Variants in GLDC observed in about 807,000 individuals in gnomAD.
The protein encoded by GLDC is glycine decarboxylase.
A neutral mutation model predicts 121.3 loss-of-function variants in GLDC; 104 were observed. That is an observed-to-expected ratio of 0.86 (90% confidence interval 0.73 to 1.01). The LOEUF is 1.01. GLDC is among the 50% of genes least tolerant of loss of function. The probability of loss-of-function intolerance (pLI) is 0.00; values close to 1 mark genes in which losing one functional copy is unlikely to be tolerated. For synonymous variants in GLDC, 546 were observed against 480.6 expected, an observed-to-expected ratio of 1.14 and a Z score of -1.78; for missense variants, 1,429 against 1,306.6, an observed-to-expected ratio of 1.09 and a Z score of -1.44.
rs912371579 is a variant in GLDC, at chr9:6,532,808, G to A, written c.*209C>T. 14 of 571,302 alleles carry A rather than the reference G, an allele frequency of 2.5e-5. No homozygotes were observed. Among genetic ancestry groups the A allele is most frequent in the Non-Finnish European group, 4.1e-5 (13 of 317,728 alleles). The allele number at this position is 571,302 out of a possible 1,614,324, so 35.4% of individuals were successfully genotyped here. On this transcript the variant is annotated 3_prime_UTR_variant, in exon 25 of 25. Transcript: ENST00000321612. The stretch of plus-strand genomic sequence containing the variant: ...ATCCAGGCAACTGGCACATGTGGAA[G>A]CAGAATACCAAAGCAAATCCGTCTT...
chr9:6,587,259 T>C lies in GLDC; in HGVS notation c.1732A>G (p.Asn578Asp). 6.2e-7 allele frequency: 1 copy of C among 1,613,952 alleles called. No individual in the cohort carries two copies. The highest frequency in any genetic ancestry group is 1.1e-5 in the South Asian group (1 of 91,066). ...LAPITWKEFANIHPFVPLDQA... is the reference protein window; with the variant it reads ...LAPITWKEFADIHPFVPLDQA... ...TCCAGAGGCACAAAGGGGTGGATGT[T>C]TGCAAATTCTTTCCATGTGATAGGC... is the stretch of plus-strand genomic sequence containing the variant. Residue 578 changes from asparagine to aspartate, a missense_variant, in exon 15 of 25, where the codon AAC becomes GAC. Asn to Asp is a conservative substitution (Grantham distance 23). Coordinates refer to ENST00000321612, the MANE Select transcript of GLDC (RefSeq NM_000170.3).
chr9:6,582,913 A>G (rs1818199892), intron 15 of GLDC, among the ~76,000 whole-genome samples: 1 of 152,152 alleles, frequency 6.6e-6, no homozygotes, highest in Non-Finnish European at 1.5e-5. Flanking sequence ...ACTTGAATAC[A>G]CGTTTCTCCA....
chr9:6,603,286 A>G (rs1208912868), intron 7 of GLDC, among the ~76,000 whole-genome samples: 2 of 151,904 alleles, frequency 1.3e-5, no homozygotes, highest in African/African-American at 4.8e-5. Context: ...CAGTGTAACA[A>G]CCATTGCATA....
intron 7 of GLDC, among the ~76,000 whole-genome samples, chr9:6,602,419 C>T (rs1587958234): frequency 6.6e-6 from 1 of 151,610 alleles, no homozygotes; most frequent in African/African-American, 2.4e-5. Flanking sequence ...CTCTTTCGCC[C>T]AGGCTGGAGT....
chr9:6,642,819 T>A, intron 2 of GLDC, among the ~76,000 whole-genome samples: 1 of 152,146 alleles, frequency 6.6e-6, no homozygotes, highest in East Asian at 1.9e-4. Context: ...AATATTCACC[T>A]AAAATACCCT....
At chr9:6,623,430 G>T (rs188669139) in intron 2 of GLDC, among the ~76,000 whole-genome samples, 6 of 148,456 alleles carry the variant, frequency 4.0e-5, no homozygotes, top group African/African-American at 1.5e-4. Context: ...TGCTCGTTAA[G>T]AGTCATCACC....
intron 8 of GLDC, among the ~76,000 whole-genome samples, chr9:6,598,357 C>T (rs920707678): frequency 1.3e-5 from 2 of 152,050 alleles, no homozygotes; most frequent in African/African-American, 2.4e-5. Context: ...AGAATGGGGC[C>T]TGCTGAGCCA....
chr9:6,556,828 T>A (rs1817643095), intron 17 of GLDC, among the ~76,000 whole-genome samples: 1 of 151,770 alleles, frequency 6.6e-6, no homozygotes, highest in Non-Finnish European at 1.5e-5. Context: ...AAAGAAATAA[T>A]AAGATCCTTT....
intron 17 of GLDC, among the ~76,000 whole-genome samples, chr9:6,557,080 G>GT (rs1431213913): frequency 6.6e-6 from 1 of 152,162 alleles, no homozygotes; most frequent in Non-Finnish European, 1.5e-5. Flanking sequence ...GATAGGAGGA[G>GT]TAAGTTGTAG....
At chr9:6,619,698 A>G (rs1273115355) in intron 3 of GLDC, among the ~76,000 whole-genome samples, 1 of 152,236 alleles carries the variant, frequency 6.6e-6, no homozygotes, top group Non-Finnish European at 1.5e-5. Flanking sequence ...ACTGCACTCC[A>G]GACTGGGATA....
chr9:6,560,770 C>T (rs1405610162), intron 16 of GLDC, among the ~76,000 whole-genome samples: 1 of 152,210 alleles, frequency 6.6e-6, no homozygotes, highest in Non-Finnish European at 1.5e-5. Flanking sequence ...CAAAGACATC[C>T]CTGTCCTAAT....
At chr9:6,579,677 T>A (rs1304332852) in intron 15 of GLDC, among the ~76,000 whole-genome samples, 1 of 151,968 alleles carries the variant, frequency 6.6e-6, no homozygotes, top group African/African-American at 2.4e-5. Flanking sequence ...TTGAAACTCA[T>A]GGTTTTAGTT....
chr9:6,546,609 G>A (rs905877415), intron 21 of GLDC, among the ~76,000 whole-genome samples: 45 of 151,960 alleles, frequency 3.0e-4, no homozygotes, highest in African/African-American at 1.0e-3. Context: ...CTGAAGGACC[G>A]CCCTGAAGCT....
At chr9:6,643,018 C>G (rs907691008) in intron 2 of GLDC, among the ~76,000 whole-genome samples, 1 of 152,040 alleles carries the variant, frequency 6.6e-6, no homozygotes, top group Non-Finnish European at 1.5e-5. Context: ...CCACATTAGC[C>G]TCCGGAGTAG....
chr9:6,596,811 C>T (rs1007396023), intron 8 of GLDC, among the ~76,000 whole-genome samples: 1 of 152,080 alleles, frequency 6.6e-6, no homozygotes, highest in Admixed American at 6.6e-5. Flanking sequence ...AATAATGCAG[C>T]CACTTTGAAA....
intron 16 of GLDC, among the ~76,000 whole-genome samples, chr9:6,564,710 C>A (rs1817820448): frequency 6.6e-6 from 1 of 152,254 alleles, no homozygotes; most frequent in Non-Finnish European, 1.5e-5. Flanking sequence ...AGTTAGGCCA[C>A]TGCTACAGGC....
chr9:6,611,756 G>A (rs929862855), intron 3 of GLDC, among the ~76,000 whole-genome samples: 8 of 152,014 alleles, frequency 5.3e-5, no homozygotes, highest in South Asian at 2.1e-4. Context: ...TCTTCCTGTC[G>A]TATATCTTGT....
chr9:6,553,544 A>G (rs766734702), intron 19 of GLDC, 35 bp from the exon 20 acceptor site: 2 of 1,609,134 alleles, frequency 1.2e-6, no homozygotes, highest in East Asian at 4.5e-5. Context: ...CAGAAAATGT[A>G]AACGATTCAG....
At chr9:6,575,430 A>T (rs1818046416) in intron 15 of GLDC, among the ~76,000 whole-genome samples, 1 of 152,148 alleles carries the variant, frequency 6.6e-6, no homozygotes, top group African/African-American at 2.4e-5. Flanking sequence ...TCACCTGGGG[A>T]TTTGTTAAAA....
Sources: gnomAD v4.1 joint callset for allele counts (sites outside exome capture counted in the v4.1 genomes callset) on GRCh38, gnomAD v4.1.1 for gene constraint, MANE v1.5 for transcripts, NCBI Gene and HGNC (gene_info 2026-07-23, HGNC 2026-07-21) for gene names.